The following ZNF502 variants were observed in gnomAD, a reference collection of about 807,000 sequenced individuals.
ZNF502 encodes the protein zinc finger protein 502.
ZNF502 carries 29 observed loss-of-function variants against 43.6 expected under a neutral mutation model. The observed-to-expected ratio is 0.67, with a 90% CI of 0.50 to 0.91. The LOEUF is 0.91. Among genes scored for constraint, ZNF502 ranks in the 40% least tolerant of loss-of-function variants. The probability of loss-of-function intolerance (pLI) is 0.00; values close to 1 mark genes in which losing one functional copy is unlikely to be tolerated. For missense variants in ZNF502, 591 were observed against 647.2 expected, an observed-to-expected ratio of 0.91 and a Z score of 0.94; for synonymous variants, 171 against 207.4, an observed-to-expected ratio of 0.82 and a Z score of 1.51.
chr3:44,718,047 A>C (rs1457043425), intron 1 of ZNF502, among the ~76,000 whole-genome samples: 1 of 152,098 alleles, frequency 6.6e-6, no homozygotes, highest in Non-Finnish European at 1.5e-5. Context: ...GATTTCAAGT[A>C]CTTTTTTTAT....
In ZNF502 at chr3:44,722,452, A is replaced by C; in HGVS notation, c.1635A>C (p.Ter545TyrextTer21). Residue 545 changes from the stop codon to tyrosine, a stop_lost, in exon 3 of 3, where the codon TAA (stop) becomes TAC (tyrosine). Coordinates refer to ENST00000436624, the MANE Select transcript of ZNF502 (RefSeq NM_001134442.3). ...ATCAGAAACTTCACAGTGGTGACTA[A>C]TGCTGCCATTTAGGTTATGACAGTT... is the stretch of plus-strand genomic sequence containing the variant. Reference protein sequence around the residue: ...FRHQKLHSGD* With the variant: ...FRHQKLHSGDY The C allele has an allele frequency of 6.2e-7, 1 of 1,606,498 alleles. No homozygotes were observed. The highest frequency in any genetic ancestry group is 8.5e-7 in the Non-Finnish European group (1 of 1,176,608).
Position 44,721,991 on chromosome 3 carries a change from A to G in ZNF502, c.1174A>G (p.Thr392Ala), listed in dbSNP as rs1457787201. The G allele has an allele frequency of 1.9e-6, 3 of 1,614,166 alleles. No homozygotes were observed. In the East Asian group the frequency reaches 6.7e-5, roughly 36 times the overall value. Residue 392 changes from threonine (T) to alanine (A), a missense_variant, in exon 3 of 3, where the codon ACC becomes GCC. By Grantham distance (58) the Thr-to-Ala change is moderately conservative (BLOSUM62 0). Transcript: ENST00000436624. ...ATGTGGCAAAGCGTTTACTCAGAGC[A>G]CCCCACTCACTAAACATCAGAGAAT... ...KECGKAFTQS[T>A]PLTKHQRIHT...
In ZNF502 at chr3:44,721,267, A is replaced by G; in HGVS notation, c.450A>G (p.Thr150=). The G allele has an allele frequency of 6.2e-7, 1 of 1,614,182 alleles. No homozygotes were observed. Among genetic ancestry groups the G allele is most frequent in the South Asian group, 1.1e-5 (1 of 91,090 alleles). Residue 150 remains threonine (T), a synonymous_variant, in exon 3 of 3, where the codon ACA becomes ACG. Coordinates refer to ENST00000436624, the MANE Select transcript of ZNF502 (RefSeq NM_001134442.3). ...SDQSKCPTLC[T]QKKSWKCNEC... ...AAAGTAAATGTCCAACTCTCTGCAC[A>G]CAGAAAAAATCTTGGAAATGTAATG... is the stretch of plus-strand genomic sequence containing the variant.
rs776869424 is a variant in ZNF502 at position 44,722,028 on chromosome 3, A to G, written c.1211A>G (p.Glu404Gly). ...AAACATCAGAGAATACATACAGGGG[A>G]GAGACCCTACAAATGCAGTGAATGT... ...LTKHQRIHTG[E>G]RPYKCSECGK... Residue 404 changes from glutamate (E) to glycine (G), a missense_variant, in exon 3 of 3, where the codon GAG becomes GGG. Transcript: ENST00000436624. 6.2e-7 allele frequency: 1 copy of G among 1,614,206 alleles called. No homozygotes were observed. The highest frequency in any genetic ancestry group is 8.5e-7 in the Non-Finnish European group (1 of 1,180,030).
chr3:44,721,082 A>G lies in ZNF502; in HGVS notation c.265A>G (p.Ile89Val), dbSNP rs1575542624. 6.2e-7 allele frequency: 1 copy of G among 1,614,062 alleles called. No homozygotes were observed. The highest frequency in any genetic ancestry group is 1.3e-5 in the African/African-American group (1 of 74,932). ...QEGGFGRITF[I>V]HKEAPPEIIS... The stretch of plus-strand genomic sequence containing the variant: ...AGGAGGTTTTGGGAGAATAACTTTC[A>G]TCCACAAAGAAGCACCCCCTGAAAT... Residue 89 changes from isoleucine (I) to valine (V), a missense_variant, in exon 3 of 3, where the codon ATC (isoleucine) becomes GTC (valine). Coordinates refer to ENST00000436624, the MANE Select transcript of ZNF502 (RefSeq NM_001134442.3).
Position 44,722,732 on chromosome 3 carries a change from A to AGAATACAGGGTAGAAAGAAATTCCTGC in ZNF502, c.*280_*281insGAATACAGGGTAGAAAGAAATTCCTGC, listed in dbSNP as rs1704399060. ...TGTGACTCTTACAGCTTGAGGAGGC[A>AGAATACAGGGTAGAAAGAAATTCCTGC]TTTGTTAGCACTTCTGTTCACTTTA... On this transcript the variant is annotated 3_prime_UTR_variant, in exon 3 of 3. Coordinates refer to ENST00000436624, the MANE Select transcript of ZNF502 (RefSeq NM_001134442.3). 5.7e-5 allele frequency: 21 copies of AGAATACAGGGTAGAAAGAAATTCCTGC among 371,410 alleles called. No individual in the cohort carries two copies. The highest frequency in any genetic ancestry group is 1.2e-4 in the African/African-American group (6 of 49,860). 23.0% of individuals were successfully genotyped at this position (371,410 alleles called of 1,614,324 possible). A position where few individuals can be genotyped will look rare whatever the true frequency, so the allele number is the denominator to read the frequency against.
chr3:44,720,384 G>A, intron 2 of ZNF502, 68 bp downstream of exon 2: 1 of 1,508,202 alleles, frequency 6.6e-7, no homozygotes, highest in Non-Finnish European at 9.1e-7. Flanking sequence ...AAATTTTAGA[G>A]GACAAGCTGG....
chr3:44,717,905 C>T (rs1704194518), intron 1 of ZNF502, among the ~76,000 whole-genome samples: 1 of 152,132 alleles, frequency 6.6e-6, no homozygotes, highest in Non-Finnish European at 1.5e-5. Context: ...CCCACCTTGG[C>T]CTCCTAAAGT....
chr3:44,713,345 C>T (rs1481961341), intron 1 of ZNF502, among the ~76,000 whole-genome samples: 1 of 152,172 alleles, frequency 6.6e-6, no homozygotes, highest in Non-Finnish European at 1.5e-5. Context: ...ATATGCCAAA[C>T]ATTACCCCGA....
intron 1 of ZNF502, among the ~76,000 whole-genome samples, chr3:44,719,935 A>G (rs1450604176): frequency 6.6e-6 from 1 of 152,262 alleles, no homozygotes; most frequent in Non-Finnish European, 1.5e-5. Context: ...AAGGTAATGA[A>G]TAACATTCTG....
chr3:44,720,841 C>T, intron 2 of ZNF502, 32 bp from the exon 3 acceptor site: 2 of 1,585,944 alleles, frequency 1.3e-6, no homozygotes, highest in Admixed American at 1.8e-5. Context: ...CTGCCCTGTA[C>T]AGGAGATATT....
chr3:44,722,524 G>A lies in ZNF502; in HGVS notation c.*72G>A, dbSNP rs185905312. ...AATCTGACTGGGAGTAGAGGGGCAG[G>A]TAGAGTTCCTGGAGGGAAGGATGAA... On this transcript the variant is annotated 3_prime_UTR_variant, in exon 3 of 3. Transcript: ENST00000436624. The A allele has an allele frequency of 2.0e-6, 3 of 1,517,728 alleles. No individual in the cohort carries two copies. The highest frequency in any genetic ancestry group is 1.3e-5 in the South Asian group (1 of 77,876). The allele number at this position is 1,517,728 out of a possible 1,614,324, so 94.0% of individuals were successfully genotyped here.
intron 1 of ZNF502, among the ~76,000 whole-genome samples, chr3:44,717,378 G>A (rs1473926156): frequency 2.1e-5 from 3 of 144,926 alleles, no homozygotes; most frequent in African/African-American, 5.1e-5. Context: ...TTGTTTTGTT[G>A]CCCAGGCTGG....
At chr3:44,713,012 G>GA (rs1575536398) in intron 1 of ZNF502, among the ~76,000 whole-genome samples, 7 of 152,366 alleles carry the variant, frequency 4.6e-5, no homozygotes, top group Admixed American at 6.5e-5. Flanking sequence ...ATGAGTGAAT[G>GA]AGTGATGGAT....
At chr3:44,720,833 G>C in intron 2 of ZNF502, 40 bp from the exon 3 acceptor site, 3 of 1,567,352 alleles carry the variant, frequency 1.9e-6, no homozygotes, top group Non-Finnish European at 2.6e-6. Flanking sequence ...CCTTCACTCT[G>C]CCCTGTACAG....
Position 44,723,784 on chromosome 3 carries a change from T to C in ZNF502, c.*1332T>C, listed in dbSNP as rs1704435501. 6.6e-6 allele frequency: 1 copy of C among 152,002 alleles called. No homozygotes were observed. Among genetic ancestry groups the C allele is most frequent in the African/African-American group, 2.4e-5 (1 of 41,378 alleles). 9.4% of individuals were successfully genotyped at this position (152,002 alleles called of 1,614,324 possible). On this transcript the variant is annotated 3_prime_UTR_variant, in exon 3 of 3. Transcript: ENST00000436624. ...AATAATTTCTAAGCTGTGAAGCTTA[T>C]AGCATTTTTAAAGTATGGCTATTAA... is the stretch of plus-strand genomic sequence containing the variant.
intron 1 of ZNF502, among the ~76,000 whole-genome samples, chr3:44,719,365 T>G (rs1260512494): frequency 2.6e-5 from 4 of 152,242 alleles, no homozygotes; most frequent in African/African-American, 9.6e-5. Flanking sequence ...TTGAGCAGAC[T>G]TATTTTATTC....
chr3:44,719,126 A>G (rs534828911), intron 1 of ZNF502, among the ~76,000 whole-genome samples: 7 of 152,110 alleles, frequency 4.6e-5, no homozygotes, highest in African/African-American at 7.2e-5. Flanking sequence ...GGCACCTGCC[A>G]TCATGCCCAA....
rs539546347 is a variant in ZNF502 at position 44,720,804 on chromosome 3, G to C, written c.56-69G>C. On this transcript the variant is annotated intron_variant, in intron 2 of 2. Transcript: ENST00000436624. ...ATTACTGAGGTCTGCCAAAAGTTAAGGTCTTACAGTTTCAGGGGCCTTCAC... is the reference window on the plus strand; with the variant it reads ...ATTACTGAGGTCTGCCAAAAGTTAACGTCTTACAGTTTCAGGGGCCTTCAC... The C allele has an allele frequency of 2.4e-5, 36 of 1,519,494 alleles. No homozygotes were observed. In the African/African-American group the frequency reaches 4.9e-4, roughly 21 times the overall value. 94.1% of individuals were successfully genotyped at this position (1,519,494 alleles called of 1,614,324 possible).
Sources: gnomAD v4.1 joint callset for allele counts (sites outside exome capture counted in the v4.1 genomes callset) on GRCh38, gnomAD v4.1.1 for gene constraint, MANE v1.5 for transcripts, NCBI Gene and HGNC (gene_info 2026-07-23, HGNC 2026-07-21) for gene names.